Variants in EPHA5 observed in about 807,000 individuals in gnomAD.
The protein encoded by EPHA5 is EPH receptor A5.
A neutral mutation model predicts 105.0 loss-of-function variants in EPHA5; 60 were observed. That is an observed-to-expected ratio of 0.57 (90% CI 0.46 to 0.71). EPHA5 has a LOEUF of 0.71. Ranked by LOEUF, EPHA5 falls within the 30% of genes least tolerant of loss-of-function variation. The pLI is 0.00. For synonymous variants in EPHA5, 513 were observed against 449.1 expected (o/e 1.14, Z -1.80); for missense variants, 1,218 against 1,274.7 (o/e 0.96, Z 0.68).
intron 3 of EPHA5, among the ~76,000 whole-genome samples, chr4:65,529,072 A>C (rs909974369): frequency 4.6e-5 from 7 of 152,210 alleles, no homozygotes; most frequent in African/African-American, 1.4e-4. Flanking sequence ...TCACAGTTTC[A>C]AAAATTGGTT....
At chr4:65,327,196 G>T (rs34010515) in intron 16 of EPHA5, among the ~76,000 whole-genome samples, 10,745 of 151,136 alleles carry the variant, frequency 0.071, 457 homozygotes, top group Admixed American at 0.13. Context: ...ATAAATGTGG[G>T]TATTGTTTGA....
At chr4:65,454,293 AT>A (rs1727361613) in intron 5 of EPHA5, among the ~76,000 whole-genome samples, 1 of 151,362 alleles carries the variant, frequency 6.6e-6, no homozygotes, top group Admixed American at 6.6e-5. Context: ...ATAATAATAA[AT>A]AATAATAATA....
intron 3 of EPHA5, among the ~76,000 whole-genome samples, chr4:65,592,686 A>G (rs1742786567): frequency 6.6e-6 from 1 of 152,152 alleles, no homozygotes; most frequent in Admixed American, 6.5e-5. Flanking sequence ...TTAGCCACCA[A>G]AAGCAAAACA....
At chr4:65,408,416 G>T (rs1722580130) in intron 7 of EPHA5, among the ~76,000 whole-genome samples, 1 of 151,890 alleles carries the variant, frequency 6.6e-6, no homozygotes, top group African/African-American at 2.4e-5. Flanking sequence ...ACACTTAAAA[G>T]AAAATATTGA....
At chr4:65,338,273 A>C (rs77419699) in intron 14 of EPHA5, among the ~76,000 whole-genome samples, 2 of 152,088 alleles carry the variant, frequency 1.3e-5, no homozygotes, top group African/African-American at 2.4e-5. Context: ...CATGGCTGAT[A>C]ATAAGGACAG....
chr4:65,428,404 C>A (rs1184043655), intron 5 of EPHA5, among the ~76,000 whole-genome samples: 1 of 152,042 alleles, frequency 6.6e-6, no homozygotes, highest in Non-Finnish European at 1.5e-5. Flanking sequence ...GCATTCTCAA[C>A]ACACTTAGTA....
At chr4:65,624,982 AAAAC>A (rs762961355) in intron 2 of EPHA5, among the ~76,000 whole-genome samples, 21 of 152,204 alleles carry the variant, frequency 1.4e-4, no homozygotes, top group Non-Finnish European at 2.6e-4. Context: ...TATTAAAAAT[AAAAC>A]AACAACCACT....
At chr4:65,470,826 G>A (rs917700913) in intron 5 of EPHA5, among the ~76,000 whole-genome samples, 1 of 152,132 alleles carries the variant, frequency 6.6e-6, no homozygotes, top group Admixed American at 6.6e-5. Context: ...GGCCTGAGAA[G>A]CACTGTGTAC....
chr4:65,576,545 A>C (rs1360208673), intron 3 of EPHA5, among the ~76,000 whole-genome samples: 1 of 152,202 alleles, frequency 6.6e-6, no homozygotes, highest in East Asian at 1.9e-4. Flanking sequence ...CTAGTGTGTA[A>C]ATAGTGACAC....
intron 3 of EPHA5, among the ~76,000 whole-genome samples, chr4:65,548,728 T>G (rs1481864379): frequency 6.6e-6 from 1 of 152,108 alleles, no homozygotes; most frequent in Non-Finnish European, 1.5e-5. Context: ...TGACAGACAA[T>G]TACCTTCACT....
At chr4:65,328,196 T>C (rs1317932868) in intron 16 of EPHA5, among the ~76,000 whole-genome samples, 2 of 151,222 alleles carry the variant, frequency 1.3e-5, no homozygotes, top group African/African-American at 2.4e-5. Context: ...AATCTAAACA[T>C]GACGAGACTA....
intron 6 of EPHA5, among the ~76,000 whole-genome samples, chr4:65,418,013 G>A (rs914896871): frequency 6.6e-6 from 1 of 152,090 alleles, no homozygotes; most frequent in Non-Finnish European, 1.5e-5. Flanking sequence ...TTGATTCAGA[G>A]ATAAAAGAAA....
At chr4:65,633,494 G>GA (rs1243298337) in intron 2 of EPHA5, among the ~76,000 whole-genome samples, 3 of 151,544 alleles carry the variant, frequency 2.0e-5, no homozygotes, top group Non-Finnish European at 4.4e-5. Context: ...AAGATGGAAG[G>GA]AAAAAACAAA....
At chr4:65,574,029 C>T in intron 3 of EPHA5, 1 of 1,598,986 alleles carries the variant, frequency 6.3e-7, no homozygotes. Context: ...ATGAAGAACA[C>T]ACCAGAAATT....
chr4:65,568,013 G>A (rs1739733631), intron 3 of EPHA5, among the ~76,000 whole-genome samples: 1 of 151,128 alleles, frequency 6.6e-6, no homozygotes, highest in South Asian at 2.1e-4. Flanking sequence ...ATATATTCAT[G>A]AATAATAGAA....
intron 3 of EPHA5, among the ~76,000 whole-genome samples, chr4:65,522,919 A>T (rs1734894937): frequency 6.6e-6 from 1 of 151,948 alleles, no homozygotes; most frequent in Non-Finnish European, 1.5e-5. Flanking sequence ...ACTGTAAGTG[A>T]TACCATGGGA....
intron 5 of EPHA5, among the ~76,000 whole-genome samples, chr4:65,489,395 C>G (rs1226273437): frequency 6.6e-6 from 1 of 152,138 alleles, no homozygotes; most frequent in East Asian, 1.9e-4. Flanking sequence ...TGTCCTATTT[C>G]TTTGTGAGTA....
chr4:65,665,168 T>G (rs1323428522), intron 1 of EPHA5, among the ~76,000 whole-genome samples: 1 of 151,904 alleles, frequency 6.6e-6, no homozygotes, highest in Admixed American at 6.6e-5. Context: ...ACAGCTATAG[T>G]TAGCTAATAT....
At chr4:65,355,530 C>CA (rs1723218691) in intron 11 of EPHA5, among the ~76,000 whole-genome samples, 2 of 151,592 alleles carry the variant, frequency 1.3e-5, no homozygotes, top group Admixed American at 6.6e-5. Context: ...TCTCACATCT[C>CA]TGAGCCCATT....
Sources: allele counts gnomAD v4.1 joint callset (sites outside exome capture counted in the v4.1 genomes callset), GRCh38; gene constraint gnomAD v4.1.1; transcripts MANE v1.5; gene names NCBI Gene and HGNC (gene_info 2026-07-23, HGNC 2026-07-21).